Variants in CDH15 observed in about 807,000 individuals in gnomAD.
The protein encoded by CDH15 is cadherin-15.
In CDH15, 73 loss-of-function variants were observed where a neutral mutation model predicts 69.4. The observed-to-expected ratio is 1.05, with a 90% CI of 0.87 to 1.28. The LOEUF (loss-of-function observed/expected upper bound fraction) is 1.28. CDH15 is among the 50% of genes most tolerant of loss of function. CDH15 has a pLI of 0.00. For missense variants in CDH15, 1,343 were observed against 1,133.6 expected (o/e 1.18, Z -2.65); for synonymous variants, 624 against 507.7 (o/e 1.23, Z -3.08).
At position 89,187,526 on chromosome 16, in the gene CDH15, A is replaced by G. The variant is rs200781066; in HGVS notation, c.761A>G (p.Asn254Ser). 14 of 1,613,692 alleles carry G rather than the reference A, an allele frequency of 8.7e-6. No individual in the cohort carries two copies. The highest frequency in any genetic ancestry group is 3.3e-5 in the Admixed American group (2 of 60,020). Residue 254 changes from asparagine to serine, a missense_variant, in exon 6 of 14, where the codon AAT (asparagine) becomes AGT (serine). Physicochemically the swap from Asn to Ser is conservative, Grantham distance 46. Coordinates refer to ENST00000289746, the MANE Select transcript of CDH15 (RefSeq NM_004933.3). ...ASAIITLDDI[N>S]DNAPEFTRDE... ...GCCATCATCACCCTTGATGACATCA[A>G]TGACAATGCCCCCGAGTTCACCAGG...
intron 12 of CDH15, 23 bp from the exon 13 acceptor site, chr16:89,193,732 C>G (rs1408520181): frequency 1.3e-6 from 2 of 1,599,080 alleles, no homozygotes; most frequent in East Asian, 4.5e-5. Flanking sequence ...ATGCCTGGCT[C>G]TGTTCCACCT....
intron 5 of CDH15, chr16:89,185,876 G>A (rs1597307393): frequency 4.8e-6 from 1 of 207,154 alleles, no homozygotes; most frequent in East Asian, 1.3e-4. Context: ...CCAGCGCACA[G>A]TAGGTGCTCT....
chr16:89,176,835 G>A (rs1261277901), intron 1 of CDH15, among the ~76,000 whole-genome samples: 3 of 152,162 alleles, frequency 2.0e-5, no homozygotes, highest in African/African-American at 7.2e-5. Context: ...GGCCTGCTCT[G>A]CTCCCAGACT....
Position 89,191,811 on chromosome 16 carries a change from C to G in CDH15, c.1532C>G (p.Pro511Arg). Residue 511 changes from proline (P) to arginine (R), a missense_variant, in exon 10 of 14, where the codon CCC (proline) becomes CGC (arginine). Transcript: ENST00000289746. ...CTGGGCGCCACGGATGAGGACCTGC[C>G]CCCCCACGGGGCCCCCTTCCACTTC... ...LLLGATDEDL[P>R]PHGAPFHFQL... 2 of 1,605,200 alleles carry G rather than the reference C, an allele frequency of 1.2e-6. No individual in the cohort carries two copies. Among genetic ancestry groups the G allele is most frequent in the Non-Finnish European group, 1.7e-6 (2 of 1,179,322 alleles).
chr16:89,180,395 G>C, intron 3 of CDH15, 40 bp downstream of exon 3: 4 of 1,598,514 alleles, frequency 2.5e-6, no homozygotes, highest in South Asian at 2.3e-5. Flanking sequence ...CCTCAAGCAG[G>C]CCTGGTGGAA....
At position 89,179,472 on chromosome 16, in the gene CDH15, CT is replaced by C. The variant is rs770141326; in HGVS notation, c.100del (p.Trp34GlyfsTer7). 7.4e-5 allele frequency: 119 copies of C among 1,613,458 alleles called. No individual in the cohort carries two copies. In the Admixed American group the frequency reaches 1.9e-3, roughly 26 times the overall value. The part of the protein sequence containing the change: ...GWRRPTTLYP[W>X]RRAPALSRVR... Reference sequence around the variant, plus strand: ...GGAGGAGGCCCACCACCCTGTACCCCTGGCGCCGGGCGCCTGCCCTGAGCCG... The same window carrying C: ...GGAGGAGGCCCACCACCCTGTACCCCGGCGCCGGGCGCCTGCCCTGAGCCG... On this transcript the variant is annotated frameshift_variant, in exon 2 of 14. Coordinates refer to ENST00000289746, the MANE Select transcript of CDH15 (RefSeq NM_004933.3). LOFTEE classifies it high-confidence loss of function.
chr16:89,179,499 C>T lies in CDH15; in HGVS notation c.126C>T (p.Arg42=), dbSNP rs150114798. 131 of 1,613,298 alleles carry T rather than the reference C, an allele frequency of 8.1e-5. 1 individual carries two copies. Among genetic ancestry groups the T allele is most frequent in the African/African-American group, 8.0e-4 (60 of 75,054 alleles). Reference sequence around the variant, plus strand: ...GGCGCCGGGCGCCTGCCCTGAGCCGCGTGCGGAGGGCCTGGGTCATCCCCC... The same window carrying T: ...GGCGCCGGGCGCCTGCCCTGAGCCGTGTGCGGAGGGCCTGGGTCATCCCCC... ...YPWRRAPALS[R]VRRAWVIPPI... is the part of the protein sequence containing the mutation. The change falls in exon 2 of 14, where the codon CGC becomes CGT. Residue 42 remains arginine (R), a synonymous_variant. Coordinates refer to ENST00000289746, the MANE Select transcript of CDH15 (RefSeq NM_004933.3).
intron 1 of CDH15, among the ~76,000 whole-genome samples, chr16:89,173,050 T>A (rs1915189556): frequency 6.6e-6 from 1 of 152,006 alleles, no homozygotes; most frequent in South Asian, 2.1e-4. Context: ...ACCAGGCGCC[T>A]GGCCAGCCAG....
Position 89,192,322 on chromosome 16 carries a change from C to A in CDH15, c.1733C>A (p.Thr578Asn). 6.5e-7 allele frequency: 1 copy of A among 1,535,710 alleles called. No homozygotes were observed. The highest frequency in any genetic ancestry group is 1.2e-5 in the South Asian group (1 of 84,154). The change falls in exon 11 of 14, where the codon ACC (threonine) becomes AAC (asparagine). Residue 578 changes from threonine (T) to asparagine (N), a missense_variant. Physicochemically the swap from Thr to Asn is moderately conservative, Grantham distance 65. Coordinates refer to ENST00000289746, the MANE Select transcript of CDH15 (RefSeq NM_004933.3). Reference protein sequence around the residue: ...PQQREQPLNVTVCRCGKDGVC... With the variant: ...PQQREQPLNVNVCRCGKDGVC... The stretch of plus-strand genomic sequence containing the variant: ...CAGCGCGAGCAGCCTCTGAACGTGA[C>A]CGTGTGCCGCTGCGGCAAGGACGGC...
At chr16:89,176,592 G>A (rs910332788) in intron 1 of CDH15, among the ~76,000 whole-genome samples, 18 of 152,134 alleles carry the variant, frequency 1.2e-4, no homozygotes, top group Admixed American at 7.8e-4. Context: ...TGGCGTGGCC[G>A]GCACACCTCT....
chr16:89,186,538 C>A (rs557594160), intron 5 of CDH15, among the ~76,000 whole-genome samples: 2 of 134,790 alleles, frequency 1.5e-5, no homozygotes, highest in Non-Finnish European at 3.2e-5. Context: ...GCTCTGTAAA[C>A]GCTTACCCAG....
rs1915532299 is a variant in CDH15 at position 89,188,175 on chromosome 16, G to A, written c.868G>A (p.Gly290Ser). The change falls in exon 7 of 14, where the codon GGC (glycine) becomes AGC (serine). Residue 290 changes from glycine (G) to serine (S), a missense_variant. Coordinates refer to ENST00000289746, the MANE Select transcript of CDH15 (RefSeq NM_004933.3). ...GGAAGTGGAGGACAGGGACCTGCCA[G>A]GCTCCCCAAACTGGGTGGCCAGGTT... The part of the protein sequence containing the change: ...RLEVEDRDLP[G>S]SPNWVARFTI... 6.2e-7 allele frequency: 1 copy of A among 1,613,360 alleles called. No homozygotes were observed. The highest frequency in any genetic ancestry group is 8.5e-7 in the Non-Finnish European group (1 of 1,179,892).
intron 11 of CDH15, 104 bp from the exon 12 acceptor site, chr16:89,193,366 C>A: frequency 6.9e-5 from 32 of 461,548 alleles, no homozygotes; most frequent in Middle Eastern, 6.6e-4. Flanking sequence ...CCCCTGCTTA[C>A]CAGCCTTGCC....
intron 1 of CDH15, among the ~76,000 whole-genome samples, chr16:89,175,770 G>A (rs1325731178): frequency 2.0e-5 from 3 of 152,188 alleles, no homozygotes; most frequent in Non-Finnish European, 4.4e-5. Flanking sequence ...GAGCTTCCCC[G>A]GCAGGGTCCC....
In CDH15 at chr16:89,188,257, C is replaced by A. The variant is rs1182177854; in HGVS notation, c.950C>A (p.Thr317Asn). 6.2e-7 allele frequency: 1 copy of A among 1,613,362 alleles called. No individual in the cohort carries two copies. The highest frequency in any genetic ancestry group is 1.3e-5 in the African/African-American group (1 of 74,944). ...TTCACCATCCGCACGGACCCCAAGA[C>A]CAACGAGGGTGTTCTGTCCATTGTG... ...GQFTIRTDPK[T>N]NEGVLSIVKA... The change falls in exon 7 of 14, where the codon ACC becomes AAC. Residue 317 changes from threonine to asparagine, a missense_variant. Coordinates refer to ENST00000289746, the MANE Select transcript of CDH15 (RefSeq NM_004933.3).
At chr16:89,187,201 C>T (rs1915510055) in intron 5 of CDH15, among the ~76,000 whole-genome samples, 2 of 152,252 alleles carry the variant, frequency 1.3e-5, no homozygotes, top group African/African-American at 2.4e-5. Flanking sequence ...ACCCAGTGCA[C>T]AGTAGGTGTT....
Position 89,185,206 on chromosome 16 carries a change from C to T in CDH15, c.536C>T (p.Ala179Val). ...GTGACCAGGGCAGAGGCCACAGATG[C>T]CGACGACCCCGAGACGGACAACGCA... ...TYVTRAEATDADDPETDNAAL... is the reference protein window; with the variant it reads ...TYVTRAEATDVDDPETDNAAL... The change falls in exon 5 of 14, where the codon GCC (alanine) becomes GTC (valine). Residue 179 changes from alanine to valine, a missense_variant. Transcript: ENST00000289746. The T allele has an allele frequency of 6.2e-7, 1 of 1,603,762 alleles. No homozygotes were observed. The highest frequency in any genetic ancestry group is 1.7e-4 in the Middle Eastern group (1 of 6,054).
At chr16:89,181,657 G>C (rs944778389) in intron 3 of CDH15, among the ~76,000 whole-genome samples, 1 of 151,678 alleles carries the variant, frequency 6.6e-6, no homozygotes, top group African/African-American at 2.4e-5. Context: ...GAAGAAAAGA[G>C]GACCGGGTGC....
chr16:89,193,350 A>AC, intron 11 of CDH15, 120 bp from the exon 12 acceptor site: 28 of 513,380 alleles, frequency 5.5e-5, no homozygotes, highest in East Asian at 8.2e-5. Flanking sequence ...CGCCCCCTCA[A>AC]CCCCACCCCT....
Sources: allele counts gnomAD v4.1 joint callset (sites outside exome capture counted in the v4.1 genomes callset), GRCh38; gene constraint gnomAD v4.1.1; transcripts MANE v1.5; gene names NCBI Gene and HGNC (gene_info 2026-07-23, HGNC 2026-07-21).